The following PARP15 variants were observed in gnomAD, a reference collection of about 807,000 sequenced individuals.
PARP15 encodes protein mono-ADP-ribosyltransferase PARP15.
In PARP15, 50 loss-of-function variants were observed where a neutral mutation model predicts 62.1. That is an observed-to-expected ratio of 0.81 (90% CI 0.64 to 1.02). The LOEUF (loss-of-function observed/expected upper bound fraction) is 1.02, where lower values mean the gene tolerates loss of function less well. Among genes scored for constraint, PARP15 ranks in the 50% least tolerant of loss-of-function variants. The pLI is 0.00. For synonymous variants in PARP15, 309 were observed against 293.1 expected, an observed-to-expected ratio of 1.05 and a Z score of -0.55; for missense variants, 820 against 826.5, an observed-to-expected ratio of 0.99 and a Z score of 0.10.
intron 2 of PARP15, 60 bp downstream of exon 2, chr3:122,606,115 G>A: frequency 2.0e-6 from 3 of 1,483,318 alleles, no homozygotes; most frequent in Non-Finnish European, 2.7e-6. Flanking sequence ...AACTTGTTCT[G>A]TGAGTTGTTC....
rs1318074223 is a variant in PARP15 at position 122,626,935 on chromosome 3, T to G, written c.1340T>G (p.Ile447Ser). 6.2e-7 allele frequency: 1 copy of G among 1,614,092 alleles called. No homozygotes were observed. Among genetic ancestry groups the G allele is most frequent in the Non-Finnish European group, 8.5e-7 (1 of 1,179,968 alleles). ...TPSLKTVKVV[I>S]FQPELLNIFY... is the part of the protein sequence containing the mutation. ...TCATTAAAAACAGTTAAAGTTGTCA[T>G]TTTTCAACCTGAGCTGCTAAATATA... The change falls in exon 9 of 12, where the codon ATT becomes AGT. Residue 447 changes from isoleucine to serine, a missense_variant. Coordinates refer to ENST00000464300, the MANE Select transcript of PARP15 (RefSeq NM_001113523.3).
At chr3:122,619,944 G>A (rs1381849780) in intron 7 of PARP15, 101 bp downstream of exon 7, 7 of 1,066,458 alleles carry the variant, frequency 6.6e-6, no homozygotes, top group Non-Finnish European at 1.0e-5. Flanking sequence ...TAAGTAGCGA[G>A]CAAAACTTTG....
intron 7 of PARP15, among the ~76,000 whole-genome samples, chr3:122,620,652 C>G (rs920214162): frequency 6.8e-6 from 1 of 146,802 alleles, no homozygotes; most frequent in Non-Finnish European, 1.5e-5. Context: ...TGGGAGAGCT[C>G]GCTGTGCCTG....
intron 1 of PARP15, among the ~76,000 whole-genome samples, chr3:122,605,401 G>GC (rs1380524073): frequency 2.0e-5 from 3 of 152,122 alleles, no homozygotes; most frequent in African/African-American, 7.2e-5. Context: ...GGGGGAATAA[G>GC]TAAAAAACTC....
intron 1 of PARP15, among the ~76,000 whole-genome samples, chr3:122,589,964 C>T (rs1933758711): frequency 1.4e-5 from 2 of 147,532 alleles, no homozygotes; most frequent in Admixed American, 1.4e-4. Context: ...TGGCTCACTG[C>T]AAGCTCTGTG....
Position 122,638,755 on chromosome 3 carries a change from G to A in PARP15, c.*2655G>A, listed in dbSNP as rs1009905445. On this transcript the variant is annotated 3_prime_UTR_variant, in exon 12 of 12. Coordinates refer to ENST00000464300, the MANE Select transcript of PARP15 (RefSeq NM_001113523.3). ...TTTTCTCCCATTCTGTAGGTTGCCT[G>A]TTCACTCTGATGGTAGTTTCTTTTG... The A allele has an allele frequency of 2.6e-5, 4 of 152,038 alleles. No homozygotes were observed. The highest frequency in any genetic ancestry group is 2.1e-4 in the South Asian group (1 of 4,824). The allele number at this position is 152,038 out of a possible 1,614,324, so 9.4% of individuals were successfully genotyped here.
intron 1 of PARP15, among the ~76,000 whole-genome samples, chr3:122,587,448 GC>G (rs1184271946): frequency 1.3e-5 from 2 of 152,200 alleles, no homozygotes; most frequent in African/African-American, 4.8e-5. Flanking sequence ...CCACATCCTT[GC>G]CAGCATTTGG....
rs147850969 is a variant in PARP15, at chr3:122,613,251, G to A, written c.754G>A (p.Asp252Asn). 2.2e-4 allele frequency: 338 copies of A among 1,547,600 alleles called. No individual in the cohort carries two copies. The African/African-American group carries it at 4.3e-3, about 20-fold the overall frequency. Reference protein sequence around the residue: ...QEVHFLVYTNDDEGCQAFLDE... With the variant: ...QEVHFLVYTNNDEGCQAFLDE... ...AGTCCACTTTCTGGTATATACAAAT[G>A]ACGATGAAGGCTGTCAGGTATGGTT... The change falls in exon 4 of 12, where the codon GAC becomes AAC. Residue 252 changes from aspartate to asparagine, a missense_variant. Coordinates refer to ENST00000464300, the MANE Select transcript of PARP15 (RefSeq NM_001113523.3).
At chr3:122,625,842 G>C (rs1321147676) in intron 8 of PARP15, among the ~76,000 whole-genome samples, 1 of 152,154 alleles carries the variant, frequency 6.6e-6, no homozygotes, top group Non-Finnish European at 1.5e-5. Context: ...GGGATCAAAT[G>C]ACTTACCCAA....
intron 9 of PARP15, among the ~76,000 whole-genome samples, chr3:122,630,207 C>G (rs1390985099): frequency 1.3e-5 from 2 of 152,174 alleles, no homozygotes; most frequent in African/African-American, 4.8e-5. Flanking sequence ...TAATGACCTT[C>G]CATGTGATGC....
chr3:122,627,152 ACTT>A, intron 9 of PARP15, 119 bp downstream of exon 9: 2 of 848,802 alleles, frequency 2.4e-6, no homozygotes, highest in Non-Finnish European at 3.6e-6. Flanking sequence ...TTTTCAGACA[ACTT>A]CTTATGATCC....
intron 9 of PARP15, among the ~76,000 whole-genome samples, chr3:122,628,549 A>C (rs1159736359): frequency 6.6e-6 from 1 of 152,226 alleles, no homozygotes; most frequent in Non-Finnish European, 1.5e-5. Context: ...CATTATCAGT[A>C]AAGTAAAAAA....
chr3:122,619,540 T>C (rs1050014428), intron 6 of PARP15, among the ~76,000 whole-genome samples: 4 of 152,120 alleles, frequency 2.6e-5, no homozygotes, highest in Non-Finnish European at 5.9e-5. Context: ...CCTGTATAAA[T>C]AGAGAAGGTA....
At chr3:122,631,981 A>T in intron 9 of PARP15, 105 bp from the exon 10 acceptor site, 2 of 1,293,600 alleles carry the variant, frequency 1.5e-6, no homozygotes, top group Non-Finnish European at 2.2e-6. Context: ...CTTCTCCTTT[A>T]AAGACCAGGT....
chr3:122,591,496 C>G (rs1158416783), intron 1 of PARP15, among the ~76,000 whole-genome samples: 1 of 152,188 alleles, frequency 6.6e-6, no homozygotes, highest in Non-Finnish European at 1.5e-5. Flanking sequence ...GGCACAGTGG[C>G]TCACGCCTGT....
intron 1 of PARP15, among the ~76,000 whole-genome samples, chr3:122,579,993 CTATATGTATATATATATATA>C (rs1223706463): frequency 5.6e-5 from 4 of 70,828 alleles, no homozygotes; most frequent in Non-Finnish European, 8.9e-5. Flanking sequence ...ACAACAGCAA[CTATATGTATATATATATATA>C]TATATATATA....
chr3:122,637,358 T>C lies in PARP15; in HGVS notation c.*1258T>C, dbSNP rs1485585294. 2 of 152,112 alleles carry C rather than the reference T, an allele frequency of 1.3e-5. No individual in the cohort carries two copies. Among genetic ancestry groups the C allele is most frequent in the African/African-American group, 4.8e-5 (2 of 41,408 alleles). 9.4% of individuals were successfully genotyped at this position (152,112 alleles called of 1,614,324 possible). A position where few individuals can be genotyped will look rare whatever the true frequency, so the allele number is the denominator to read the frequency against. ...AGTGTTAATTAGTGGAAAACTCTTT[T>C]TCAAAAGTTGAAATCAGTTCCTCTG... On this transcript the variant is annotated 3_prime_UTR_variant, in exon 12 of 12. Coordinates refer to ENST00000464300, the MANE Select transcript of PARP15 (RefSeq NM_001113523.3).
intron 1 of PARP15, among the ~76,000 whole-genome samples, chr3:122,588,812 A>T (rs1933651876): frequency 6.6e-6 from 1 of 152,250 alleles, no homozygotes; most frequent in Non-Finnish European, 1.5e-5. Flanking sequence ...GACATTTCAC[A>T]TAAATGGATT....
At chr3:122,615,274 G>A in intron 4 of PARP15, 1 of 1,288,338 alleles carries the variant, frequency 7.8e-7, no homozygotes, top group Non-Finnish European at 1.0e-6. Context: ...GGATTTTCGT[G>A]TTTTCATTCA....
Sources: allele counts gnomAD v4.1 joint callset (sites outside exome capture counted in the v4.1 genomes callset), GRCh38; gene constraint gnomAD v4.1.1; transcripts MANE v1.5; gene names NCBI Gene and HGNC (gene_info 2026-07-23, HGNC 2026-07-21).